RBM19: variants seen among roughly 807,000 people sequenced by gnomAD.
RBM19 encodes RNA binding motif protein 19.
In RBM19, 94 loss-of-function variants were observed where a neutral mutation model predicts 116.8. The observed-to-expected ratio is 0.80, with a 90% CI of 0.68 to 0.95. The LOEUF (loss-of-function observed/expected upper bound fraction) is 0.95, where lower values mean the gene tolerates loss of function less well. Ranked by LOEUF, RBM19 falls within the 40% of genes least tolerant of loss-of-function variation. The pLI is 0.00. For synonymous variants in RBM19, 475 were observed against 494.1 expected (o/e 0.96, Z 0.51); for missense variants, 1,161 against 1,220.7 (o/e 0.95, Z 0.73).
chr12:113,897,515 T>G (rs1881417217), intron 21 of RBM19, among the ~76,000 whole-genome samples: 1 of 152,176 alleles, frequency 6.6e-6, no homozygotes. Flanking sequence ...GGAGGTAAGA[T>G]TCAAACACCA....
At chr12:113,935,344 C>T (rs1395006538) in intron 16 of RBM19, among the ~76,000 whole-genome samples, 2 of 151,610 alleles carry the variant, frequency 1.3e-5, no homozygotes, top group African/African-American at 4.8e-5. Context: ...AGGGTGGTAA[C>T]TGAAGTAAAA....
At chr12:113,901,875 G>A (rs1881723421) in intron 21 of RBM19, among the ~76,000 whole-genome samples, 1 of 152,092 alleles carries the variant, frequency 6.6e-6, no homozygotes, top group African/African-American at 2.4e-5. Context: ...CTTGCTTACC[G>A]CTGATGATAG....
intron 21 of RBM19, among the ~76,000 whole-genome samples, chr12:113,908,573 CAAAAAAA>C (rs11338829): frequency 1.5e-3 from 49 of 33,224 alleles, no homozygotes; most frequent in African/African-American, 3.9e-3. Flanking sequence ...AAGAAAATAG[CAAAAAAA>C]AAAAAAAAAA....
chr12:113,944,867 G>GTA (rs4007281), intron 13 of RBM19, among the ~76,000 whole-genome samples: 56 of 148,670 alleles, frequency 3.8e-4, no homozygotes, highest in African/African-American at 7.8e-4. Context: ...ATATAAAAAT[G>GTA]TATATATATA....
At chr12:113,855,231 T>C (rs916408622) in intron 22 of RBM19, among the ~76,000 whole-genome samples, 2 of 152,162 alleles carry the variant, frequency 1.3e-5, no homozygotes, top group Non-Finnish European at 2.9e-5. Context: ...TCTTCTATCC[T>C]CTGTCAGCAG....
At chr12:113,875,753 G>A (rs1444167496) in intron 21 of RBM19, among the ~76,000 whole-genome samples, 4 of 152,196 alleles carry the variant, frequency 2.6e-5, no homozygotes, top group African/African-American at 9.7e-5. Flanking sequence ...TCACAAGTGC[G>A]TTAAAGAGCG....
chr12:113,946,864 T>C (rs1212101675), intron 11 of RBM19, among the ~76,000 whole-genome samples: 3 of 152,138 alleles, frequency 2.0e-5, no homozygotes, highest in South Asian at 2.1e-4. Context: ...AATCAATGAA[T>C]GAATGAGAAA....
rs539347879 is a variant in RBM19 at position 113,839,530 on chromosome 12, T to G, written c.2785+5138A>C. ...TTCAAGTTCAACCATTCACTACCTG[T>G]GTGACCTTGGGCAAGGTGCTTCATC... On this transcript the variant is annotated intron_variant, in intron 23 of 23. Transcript: ENST00000261741. Among the ~76,000 whole-genome samples, 15 of 152,316 alleles carry G rather than the reference T, an allele frequency of 9.8e-5. No homozygotes were observed. In the South Asian group the frequency reaches 3.1e-3, roughly 32 times the overall value.
At chr12:113,891,743 C>T (rs1465632481) in intron 21 of RBM19, among the ~76,000 whole-genome samples, 2 of 152,192 alleles carry the variant, frequency 1.3e-5, no homozygotes, top group African/African-American at 4.8e-5. Flanking sequence ...GGTGATGGTT[C>T]AGGCTGGGAT....
intron 21 of RBM19, among the ~76,000 whole-genome samples, chr12:113,869,924 T>C (rs955921574): frequency 1.3e-5 from 2 of 152,188 alleles, no homozygotes; most frequent in Non-Finnish European, 2.9e-5. Flanking sequence ...GTTTTGCCCA[T>C]TTCTGCTGCC....
chr12:113,848,427 G>A (rs937623719), intron 22 of RBM19, among the ~76,000 whole-genome samples: 2 of 152,180 alleles, frequency 1.3e-5, no homozygotes, highest in African/African-American at 2.4e-5. Context: ...TCAAACTGTC[G>A]CAGGCAGTGT....
rs1874760749 is a variant in RBM19 at position 113,825,301 on chromosome 12, C to T, written c.2786-1980G>A. ...CTCAAGGCCTTGCAGCTCTACCCATCATTGTTAATCATGAAAAGGGAGAGG... is the reference window on the plus strand; with the variant it reads ...CTCAAGGCCTTGCAGCTCTACCCATTATTGTTAATCATGAAAAGGGAGAGG... On this transcript the variant is annotated intron_variant, in intron 23 of 23. Coordinates refer to ENST00000261741, the MANE Select transcript of RBM19 (RefSeq NM_016196.4). The surrounding 1 kb of genome is among the most constrained non-coding windows in gnomAD (Gnocchi z 5.7). Among the ~76,000 whole-genome samples the T allele has an allele frequency of 6.9e-6, 1 of 145,090 alleles. No individual in the cohort carries two copies. Among genetic ancestry groups the T allele is most frequent in the African/African-American group, 2.5e-5 (1 of 40,138 alleles).
At chr12:113,836,998 C>T (rs368341115) in intron 23 of RBM19, among the ~76,000 whole-genome samples, 3 of 59,784 alleles carry the variant, frequency 5.0e-5, no homozygotes, top group African/African-American at 1.1e-4. Flanking sequence ...ACTACATACA[C>T]ACACACACAC....
chr12:113,841,460 G>A (rs1343704588), intron 23 of RBM19, among the ~76,000 whole-genome samples: 1 of 135,002 alleles, frequency 7.4e-6, no homozygotes, highest in African/African-American at 2.8e-5. Flanking sequence ...GTCTCGCTCT[G>A]TCACCCAGGC....
intron 23 of RBM19, among the ~76,000 whole-genome samples, chr12:113,826,413 G>T (rs1340863944): frequency 1.3e-5 from 2 of 152,218 alleles, no homozygotes; most frequent in African/African-American, 4.8e-5. Flanking sequence ...GAGCGACTGA[G>T]GGAGTGAATG....
At chr12:113,877,695 A>G (rs1223045671) in intron 21 of RBM19, among the ~76,000 whole-genome samples, 4 of 152,232 alleles carry the variant, frequency 2.6e-5, no homozygotes, top group Non-Finnish European at 5.9e-5. Context: ...GCAAAAGGAC[A>G]GTAGCTGCAA....
intron 22 of RBM19, among the ~76,000 whole-genome samples, chr12:113,846,676 TG>T (rs1877005956): frequency 6.6e-6 from 1 of 152,282 alleles, no homozygotes; most frequent in African/African-American, 2.4e-5. Flanking sequence ...ACCTTGATTT[TG>T]GACTTCTGGC....
At chr12:113,834,461 T>C (rs540069205) in intron 23 of RBM19, among the ~76,000 whole-genome samples, 179 of 152,282 alleles carry the variant, frequency 1.2e-3, no homozygotes, top group African/African-American at 4.0e-3. Flanking sequence ...TCAGAAGCCC[T>C]AGGGGCTGCA....
At chr12:113,952,898 C>T (rs1871595555) in intron 7 of RBM19, among the ~76,000 whole-genome samples, 1 of 152,138 alleles carries the variant, frequency 6.6e-6, no homozygotes, top group African/African-American at 2.4e-5. Flanking sequence ...GGGATTAAAC[C>T]TGGCTTTTTT....
Sources: allele counts gnomAD v4.1 joint callset (sites outside exome capture counted in the v4.1 genomes callset), GRCh38; gene constraint gnomAD v4.1.1; non-coding constraint Gnocchi (gnomAD v3.1); transcripts MANE v1.5; gene names NCBI Gene and HGNC (gene_info 2026-07-23, HGNC 2026-07-21).